Variants in SYK observed in about 807,000 individuals in gnomAD.
The protein encoded by SYK is tyrosine-protein kinase SYK.
In SYK, 16 loss-of-function variants were observed where a neutral mutation model predicts 77.8. The ratio of observed to expected loss-of-function variants is 0.21; its 90% CI spans 0.14 to 0.31. The LOEUF is 0.31. Ranked by LOEUF, SYK falls within the 10% of genes least tolerant of loss-of-function variation. SYK has a pLI of 1.00. For synonymous variants in SYK, 312 were observed against 308.7 expected, an observed-to-expected ratio of 1.01 and a Z score of -0.11; for missense variants, 529 against 814.4, an observed-to-expected ratio of 0.65 and a Z score of 4.26.
chr9:90,814,422 C>CAG (rs1825212932), intron 1 of SYK, among the ~76,000 whole-genome samples: 1 of 152,206 alleles, frequency 6.6e-6, no homozygotes. Flanking sequence ...ATTCAGTTCT[C>CAG]AGTCACACAG....
chr9:90,803,072 A>G (rs1478100374), intron 1 of SYK, among the ~76,000 whole-genome samples: 1 of 152,156 alleles, frequency 6.6e-6, no homozygotes, highest in Non-Finnish European at 1.5e-5. Flanking sequence ...TATTTTCTCA[A>G]AAAGGCTTAA....
At chr9:90,890,103 T>A (rs1828730829) in intron 13 of SYK, among the ~76,000 whole-genome samples, 1 of 152,170 alleles carries the variant, frequency 6.6e-6, no homozygotes, top group African/African-American at 2.4e-5. Context: ...TTGATGCTGA[T>A]CTATGTACTT....
At chr9:90,865,587 G>C (rs1044355996) in intron 6 of SYK, among the ~76,000 whole-genome samples, 6 of 152,096 alleles carry the variant, frequency 3.9e-5, no homozygotes, top group Non-Finnish European at 8.8e-5. Context: ...TGGATTACAG[G>C]CATGAGCCAC....
intron 11 of SYK, among the ~76,000 whole-genome samples, chr9:90,880,341 G>A (rs935190830): frequency 2.0e-5 from 3 of 152,204 alleles, no homozygotes; most frequent in Non-Finnish European, 4.4e-5. Context: ...AAGGCCAGGC[G>A]AGAGTACAGC....
intron 1 of SYK, among the ~76,000 whole-genome samples, chr9:90,811,764 C>A (rs1405440508): frequency 1.0e-4 from 15 of 147,432 alleles, no homozygotes; most frequent in African/African-American, 1.8e-4. Flanking sequence ...TGACAAATAC[C>A]AAAAAAAAAA....
At chr9:90,884,882 CAT>C (rs765631925) in intron 11 of SYK, among the ~76,000 whole-genome samples, 2,169 of 48,778 alleles carry the variant, frequency 0.044, 885 homozygotes, top group Non-Finnish European at 0.058. Flanking sequence ...TACATATATA[CAT>C]ATATATACAT....
At chr9:90,877,825 G>T in intron 10 of SYK, 45 bp downstream of exon 10, 3 of 1,607,262 alleles carry the variant, frequency 1.9e-6, no homozygotes, top group South Asian at 1.1e-5. Flanking sequence ...TCCCCTAAGG[G>T]ACAGGGCCCA....
Position 90,864,497 on chromosome 9 carries a change from G to A in SYK, c.718-92G>A, listed in dbSNP as rs191824996. The A allele has an allele frequency of 8.3e-4, 964 of 1,158,094 alleles. 4 individuals carry two copies. The African/African-American group carries it at 0.012, about 15-fold the overall frequency. 71.7% of individuals were successfully genotyped at this position (1,158,094 alleles called of 1,614,324 possible). On this transcript the variant is annotated intron_variant, in intron 4 of 13. Coordinates refer to ENST00000375754, the MANE Select transcript of SYK (RefSeq NM_003177.7). The stretch of plus-strand genomic sequence containing the variant: ...CATTTATGTGTCTTGGGGCCACTTC[G>A]AAAGCCCAACAGTCAGTCAGTAGCT...
rs1487312720 is a variant in SYK, at chr9:90,877,559, T to C, written c.1182-12T>C. 2 of 1,614,032 alleles carry C rather than the reference T, an allele frequency of 1.2e-6. No homozygotes were observed. The highest frequency in any genetic ancestry group is 1.7e-6 in the Non-Finnish European group (2 of 1,179,958). On this transcript the variant is annotated splice_polypyrimidine_tract_variant and intron_variant, in intron 9 of 13. Coordinates refer to ENST00000375754, the MANE Select transcript of SYK (RefSeq NM_003177.7). Reference sequence around the variant, plus strand: ...TTGGAAAGTTTCTTGTGTGTTATGATTTCTCTTGCAGAGTTGTGAAAACCG... The same window carrying C: ...TTGGAAAGTTTCTTGTGTGTTATGACTTCTCTTGCAGAGTTGTGAAAACCG...
intron 1 of SYK, 75 bp from the exon 2 acceptor site, chr9:90,843,783 G>T (rs563214704): frequency 1.0e-5 from 12 of 1,191,762 alleles, no homozygotes; most frequent in Non-Finnish European, 1.3e-5. Context: ...ACTTTGAAAG[G>T]GTTTGAGTGG....
chr9:90,826,137 A>T (rs1197376089), intron 1 of SYK, among the ~76,000 whole-genome samples: 4 of 152,206 alleles, frequency 2.6e-5, no homozygotes, highest in African/African-American at 9.7e-5. Flanking sequence ...TTACATTTGG[A>T]TGGGTTGACT....
At chr9:90,851,540 A>G (rs1043246758) in intron 3 of SYK, among the ~76,000 whole-genome samples, 1 of 152,128 alleles carries the variant, frequency 6.6e-6, no homozygotes, top group Non-Finnish European at 1.5e-5. Context: ...TCTGGGGTCT[A>G]GCTGGCCAGA....
chr9:90,854,537 A>C (rs1826947773), intron 3 of SYK, among the ~76,000 whole-genome samples: 1 of 152,174 alleles, frequency 6.6e-6, no homozygotes, highest in Admixed American at 6.5e-5. Flanking sequence ...CAGTTGCTGT[A>C]CATGATCTCT....
intron 11 of SYK, among the ~76,000 whole-genome samples, chr9:90,882,642 G>T (rs1347988320): frequency 6.6e-6 from 1 of 152,288 alleles, no homozygotes; most frequent in South Asian, 2.1e-4. Flanking sequence ...AATTGACCTG[G>T]GTGGAGAACT....
At chr9:90,817,722 T>C (rs1478074820) in intron 1 of SYK, among the ~76,000 whole-genome samples, 2 of 152,298 alleles carry the variant, frequency 1.3e-5, no homozygotes, top group African/African-American at 4.8e-5. Flanking sequence ...GTTACTTCTC[T>C]TCTTTAATTA....
chr9:90,839,698 T>C (rs2118580143), intron 1 of SYK, among the ~76,000 whole-genome samples: 1 of 152,304 alleles, frequency 6.6e-6, no homozygotes, highest in Non-Finnish European at 1.5e-5. Flanking sequence ...CTGTCTCAGT[T>C]TGAGCTGATG....
At chr9:90,861,484 T>G (rs1030171365) in intron 3 of SYK, among the ~76,000 whole-genome samples, 3 of 151,846 alleles carry the variant, frequency 2.0e-5, no homozygotes, top group Non-Finnish European at 2.9e-5. Context: ...CTGTTTGAAG[T>G]CCAGCCCTGC....
intron 1 of SYK, among the ~76,000 whole-genome samples, chr9:90,819,015 T>C (rs1212399959): frequency 1.3e-5 from 2 of 152,244 alleles, no homozygotes; most frequent in South Asian, 2.1e-4. Context: ...AGGAAACATT[T>C]TGTTAGAAAA....
At position 90,894,388 on chromosome 9, in the gene SYK, C is replaced by G. The variant is rs12684814; in HGVS notation, c.1836-1140C>G. On this transcript the variant is annotated intron_variant, in intron 13 of 13. Coordinates refer to ENST00000375754, the MANE Select transcript of SYK (RefSeq NM_003177.7). ...ACATGACCACAGATGGCTGACCACA[C>G]TGATCAATTCGAGCAGTTTTATCAT... Among the ~76,000 whole-genome samples the G allele has an allele frequency of 6.1e-4, 93 of 152,334 alleles. No individual in the cohort carries two copies. The East Asian group carries it at 0.011, about 17-fold the overall frequency.
Sources: allele counts gnomAD v4.1 joint callset (sites outside exome capture counted in the v4.1 genomes callset), GRCh38; gene constraint gnomAD v4.1.1; transcripts MANE v1.5; gene names NCBI Gene and HGNC (gene_info 2026-07-23, HGNC 2026-07-21).